The following NECAB1 variants were observed in gnomAD, a reference collection of about 807,000 sequenced individuals.
The protein encoded by NECAB1 is N-terminal EF-hand calcium-binding protein 1.
A neutral mutation model predicts 57.5 loss-of-function variants in NECAB1; 29 were observed. That is an observed-to-expected ratio of 0.50 (90% confidence interval 0.38 to 0.69). The LOEUF is 0.69. NECAB1 is among the 30% of genes least tolerant of loss of function. The pLI, the probability that NECAB1 is intolerant of heterozygous loss-of-function variation, is 0.00. For missense variants in NECAB1, 372 were observed against 413.8 expected, an observed-to-expected ratio of 0.90 and a Z score of 0.88; for synonymous variants, 142 against 147.7, an observed-to-expected ratio of 0.96 and a Z score of 0.28.
chr8:90,940,774 C>G lies in NECAB1; in HGVS notation c.748-12C>G, dbSNP rs1810649357. 1.3e-6 allele frequency: 2 copies of G among 1,553,768 alleles called. No homozygotes were observed. The stretch of plus-strand genomic sequence containing the variant: ...ACAGCCAACGCAGTGACCCTCGCCC[C>G]TTCCTTGGCAGCACATCATGCTTGT... On this transcript the variant is annotated splice_polypyrimidine_tract_variant and intron_variant, in intron 9 of 12. Transcript: ENST00000417640.
chr8:90,852,310 C>T lies in NECAB1; in HGVS notation c.234-19818C>T, dbSNP rs555259928. Reference sequence around the variant, plus strand: ...GCCCTGAAAAGTTCAGTAACTTGCCCATTATCACATCACTTGTAAAGGATG... The same window carrying T: ...GCCCTGAAAAGTTCAGTAACTTGCCTATTATCACATCACTTGTAAAGGATG... On this transcript the variant is annotated intron_variant, in intron 3 of 12. Transcript: ENST00000417640. Among the ~76,000 whole-genome samples, 6 of 152,254 alleles carry T rather than the reference C, an allele frequency of 3.9e-5. No homozygotes were observed. The East Asian group carries it at 1.2e-3, about 29-fold the overall frequency.
At chr8:90,952,200 G>A (rs1258450990) in intron 12 of NECAB1, among the ~76,000 whole-genome samples, 1 of 151,234 alleles carries the variant, frequency 6.6e-6, no homozygotes, top group Non-Finnish European at 1.5e-5. Context: ...ACCAATTAGG[G>A]CAATAATCTA....
chr8:90,821,984 A>G lies in NECAB1; in HGVS notation c.125-2733A>G, dbSNP rs140526740. 1.2e-3 allele frequency among the ~76,000 whole-genome samples: 189 copies of G among 152,014 alleles called. 1 individual carries two copies. Among genetic ancestry groups the G allele is most frequent in the African/African-American group, 4.0e-3 (168 of 41,532 alleles). On this transcript the variant is annotated intron_variant, in intron 2 of 12. Transcript: ENST00000417640. ...AAAAAATTATTGGAATTTGGAACAT[A>G]AGGCCAGGATAATTTTTAAGTAAAG...
At chr8:90,920,901 T>A (rs1810091781) in intron 6 of NECAB1, among the ~76,000 whole-genome samples, 2 of 152,204 alleles carry the variant, frequency 1.3e-5, no homozygotes, top group Admixed American at 1.3e-4. Context: ...AAAGGAGTGC[T>A]ACACAGGAGC....
chr8:90,866,290 A>G (rs954750079), intron 3 of NECAB1, among the ~76,000 whole-genome samples: 1 of 152,248 alleles, frequency 6.6e-6, no homozygotes, highest in African/African-American at 2.4e-5. Flanking sequence ...TAGTCTGCCA[A>G]TAAACCAATG....
At position 90,959,040 on chromosome 8, in the gene NECAB1, A is replaced by G. The variant is rs950320345; in HGVS notation, c.*3528A>G. 9.4e-6 allele frequency: 12 copies of G among 1,270,272 alleles called. No homozygotes were observed. The highest frequency in any genetic ancestry group is 1.3e-5 in the Non-Finnish European group (12 of 931,404). 78.7% of individuals were successfully genotyped at this position (1,270,272 alleles called of 1,614,324 possible). On this transcript the variant is annotated 3_prime_UTR_variant, in exon 13 of 13. Coordinates refer to ENST00000417640, the MANE Select transcript of NECAB1 (RefSeq NM_022351.5). ...AACTTTGGTTGTTTTCCTGTAATAT[A>G]AAAGAAAAAGTTAATTTATCAATTG...
intron 5 of NECAB1, among the ~76,000 whole-genome samples, chr8:90,896,349 A>C (rs926115318): frequency 2.0e-5 from 3 of 152,242 alleles, no homozygotes. Context: ...TCACGCCTGT[A>C]ATCCCAGCAC....
chr8:90,928,416 A>T (rs766160652), intron 8 of NECAB1, 117 bp downstream of exon 8: 1 of 665,656 alleles, frequency 1.5e-6, no homozygotes, highest in Non-Finnish European at 2.4e-6. Flanking sequence ...CAGGATCCCA[A>T]TGATTCTATG....
At chr8:90,885,016 G>A (rs1808939593) in intron 5 of NECAB1, among the ~76,000 whole-genome samples, 1 of 152,132 alleles carries the variant, frequency 6.6e-6, no homozygotes, top group South Asian at 2.1e-4. Flanking sequence ...TATCCTGAAG[G>A]ACTCTGCAGT....
intron 1 of NECAB1, among the ~76,000 whole-genome samples, chr8:90,793,167 G>A (rs1345752607): frequency 1.3e-5 from 2 of 152,208 alleles, no homozygotes; most frequent in South Asian, 2.1e-4. Flanking sequence ...GTGAGGCAGA[G>A]ATAAAGAGGA....
chr8:90,955,525 AT>A lies in NECAB1; in HGVS notation c.*17del. On this transcript the variant is annotated 3_prime_UTR_variant, in exon 13 of 13. Transcript: ENST00000417640. ...CCTGAACAACTAGATGTTCCTAGAC[AT>A]TTTCTTTATGGTTCCAAGTGCAAAA... 1 of 1,549,834 alleles carries A rather than the reference AT, an allele frequency of 6.5e-7. No homozygotes were observed. Among genetic ancestry groups the A allele is most frequent in the Non-Finnish European group, 8.7e-7 (1 of 1,144,944 alleles).
intron 3 of NECAB1, among the ~76,000 whole-genome samples, chr8:90,870,830 A>G (rs1456302720): frequency 6.6e-6 from 1 of 152,224 alleles, no homozygotes; most frequent in African/African-American, 2.4e-5. Context: ...ACATAGCAAT[A>G]AATGTTTGTG....
intron 3 of NECAB1, among the ~76,000 whole-genome samples, chr8:90,830,654 G>A (rs988003221): frequency 6.6e-6 from 1 of 152,094 alleles, no homozygotes; most frequent in Non-Finnish European, 1.5e-5. Context: ...ACCGAGGCTT[G>A]GCTGTGGAAA....
chr8:90,797,138 C>A (rs1811675510), intron 1 of NECAB1, among the ~76,000 whole-genome samples: 1 of 152,164 alleles, frequency 6.6e-6, no homozygotes, highest in African/African-American at 2.4e-5. Context: ...GGAATGAATC[C>A]TCAAAATCCC....
chr8:90,863,770 G>A (rs571588947), intron 3 of NECAB1, among the ~76,000 whole-genome samples: 2 of 151,972 alleles, frequency 1.3e-5, no homozygotes, highest in East Asian at 3.8e-4. Flanking sequence ...CTAAATTCCA[G>A]TTATTTTAAG....
At position 90,802,889 on chromosome 8, in the gene NECAB1, T is replaced by TTTTTG. The variant is rs111381408; in HGVS notation, c.124+1194_124+1198dup. 6.7e-3 allele frequency among the ~76,000 whole-genome samples: 1,021 copies of TTTTTG among 152,152 alleles called. 13 individuals are homozygous for TTTTTG. The highest frequency in any genetic ancestry group is 0.023 in the African/African-American group (960 of 41,500). ...TTGTTTTTAGTTTTAGTTTTTGGGT[T>TTTTTG]TTTTGTTTTGTTTTGTTTTGTTTTT... On this transcript the variant is annotated intron_variant, in intron 2 of 12. Transcript: ENST00000417640.
intron 5 of NECAB1, among the ~76,000 whole-genome samples, chr8:90,897,046 A>G (rs1181615957): frequency 1.3e-5 from 2 of 150,514 alleles, no homozygotes; most frequent in East Asian, 3.9e-4. Flanking sequence ...ATATAGAAGT[A>G]CCTTGCTTTG....
intron 6 of NECAB1, among the ~76,000 whole-genome samples, chr8:90,918,374 T>C (rs746052972): frequency 1.7e-4 from 26 of 151,814 alleles, no homozygotes; most frequent in Non-Finnish European, 2.5e-4. Context: ...TTATGAATAA[T>C]ATAAAGATAC....
chr8:90,841,672 G>A (rs1391519517), intron 3 of NECAB1, among the ~76,000 whole-genome samples: 1 of 152,096 alleles, frequency 6.6e-6, no homozygotes, highest in Non-Finnish European at 1.5e-5. Context: ...AAAATGACCT[G>A]GGGATTTATT....
Sources: allele counts gnomAD v4.1 joint callset (sites outside exome capture counted in the v4.1 genomes callset), GRCh38; gene constraint gnomAD v4.1.1; transcripts MANE v1.5; gene names NCBI Gene and HGNC (gene_info 2026-07-23, HGNC 2026-07-21).